Variants in CUL3 observed in about 807,000 individuals in gnomAD.
The protein encoded by CUL3 is cullin-3.
CUL3 carries 19 observed loss-of-function variants against 89.1 expected under a neutral mutation model. That is an observed-to-expected ratio of 0.21 (90% CI 0.15 to 0.31). CUL3 has a LOEUF of 0.31. Ranked by LOEUF, CUL3 falls within the 10% of genes least tolerant of loss-of-function variation. The pLI, the probability that CUL3 is intolerant of heterozygous loss-of-function variation, is 1.00. For synonymous variants in CUL3, 351 were observed against 308.4 expected (o/e 1.14, Z -1.45); for missense variants, 469 against 942.3 (o/e 0.50, Z 6.58).
chr2:224,578,126 C>T (rs1193454238), intron 1 of CUL3, among the ~76,000 whole-genome samples: 1 of 152,116 alleles, frequency 6.6e-6, no homozygotes, highest in Non-Finnish European at 1.5e-5. Flanking sequence ...TAATATATTT[C>T]AGTTACGTGC....
In CUL3 at chr2:224,571,580, G is replaced by C. The variant is rs1279058614; in HGVS notation, c.66+13364C>G. ...AATCAAATAAGATATGACAGCAAAAGGTCTATGACACAAAATTGTTACAAA... is the reference window on the plus strand; with the variant it reads ...AATCAAATAAGATATGACAGCAAAACGTCTATGACACAAAATTGTTACAAA... On this transcript the variant is annotated intron_variant, in intron 1 of 15. Transcript: ENST00000264414. Among the ~76,000 whole-genome samples, 4 of 152,026 alleles carry C rather than the reference G, an allele frequency of 2.6e-5. No homozygotes were observed. The East Asian group carries it at 7.7e-4, about 29-fold the overall frequency.
chr2:224,519,178 T>C (rs1278601717), intron 3 of CUL3, among the ~76,000 whole-genome samples: 1 of 152,212 alleles, frequency 6.6e-6, no homozygotes, highest in East Asian at 1.9e-4. Flanking sequence ...AGCCAAAACT[T>C]TATTTCATGT....
chr2:224,519,984 TTGACCAAAATGTAG>T lies in CUL3; in HGVS notation c.379-5226_379-5213del, dbSNP rs577534815. ...TTTTAAAATGTCTTAATCCCAGGCT[TTGACCAAAATGTAG>T]TGACCAAAATGTAGTATGAGTTTGA... On this transcript the variant is annotated intron_variant, in intron 3 of 15. Transcript: ENST00000264414. 1.4e-3 allele frequency among the ~76,000 whole-genome samples: 220 copies of T among 152,288 alleles called. No individual in the cohort carries two copies. In the East Asian group the frequency reaches 0.019, roughly 13 times the overall value.
intron 1 of CUL3, 129 bp from the exon 2 acceptor site, chr2:224,557,985 A>C: frequency 1.8e-6 from 1 of 567,028 alleles, no homozygotes; most frequent in Non-Finnish European, 3.0e-6. Context: ...AATCTATGAC[A>C]CATAAGAACA....
intron 15 of CUL3, among the ~76,000 whole-genome samples, chr2:224,475,802 C>A (rs1299484166): frequency 1.3e-5 from 2 of 152,132 alleles, no homozygotes; most frequent in African/African-American, 2.4e-5. Context: ...ACTCCTGATT[C>A]TTTTGGTCCT....
chr2:224,490,211 T>C (rs1691904588), intron 13 of CUL3, among the ~76,000 whole-genome samples: 1 of 152,200 alleles, frequency 6.6e-6, no homozygotes, highest in Non-Finnish European at 1.5e-5. Flanking sequence ...GCTTTCATGT[T>C]CCATCCTGTA....
chr2:224,543,792 T>C (rs541601750), intron 2 of CUL3, among the ~76,000 whole-genome samples: 1 of 152,268 alleles, frequency 6.6e-6, no homozygotes, highest in South Asian at 2.1e-4. Flanking sequence ...AAGACCAGCC[T>C]GGACAACATG....
At chr2:224,545,088 C>T (rs1694247328) in intron 2 of CUL3, among the ~76,000 whole-genome samples, 1 of 152,132 alleles carries the variant, frequency 6.6e-6, no homozygotes, top group African/African-American at 2.4e-5. Context: ...ACAGATGTTG[C>T]TGTTATAATA....
intron 13 of CUL3, among the ~76,000 whole-genome samples, chr2:224,490,437 T>G (rs912779546): frequency 2.6e-5 from 4 of 151,978 alleles, no homozygotes; most frequent in Non-Finnish European, 5.9e-5. Context: ...ACCCTGCCCC[T>G]TTTGCCTTGT....
intron 2 of CUL3, among the ~76,000 whole-genome samples, chr2:224,549,858 G>A (rs1694443590): frequency 6.6e-6 from 1 of 151,566 alleles, no homozygotes; most frequent in African/African-American, 2.4e-5. Flanking sequence ...ACACATATAT[G>A]CGTGCACACA....
chr2:224,510,773 TGTTA>T (rs1692793563), intron 6 of CUL3, among the ~76,000 whole-genome samples: 1 of 152,218 alleles, frequency 6.6e-6, no homozygotes, highest in Non-Finnish European at 1.5e-5. Flanking sequence ...AAAAAACAAA[TGTTA>T]GTTATCTCAA....
intron 13 of CUL3, among the ~76,000 whole-genome samples, chr2:224,484,132 C>T (rs1691633300): frequency 6.6e-6 from 1 of 152,072 alleles, no homozygotes; most frequent in African/African-American, 2.4e-5. Flanking sequence ...GATAATACCA[C>T]TGCACTCCAG....
chr2:224,510,289 AG>A (rs1692770595), intron 6 of CUL3, among the ~76,000 whole-genome samples: 3 of 135,262 alleles, frequency 2.2e-5, no homozygotes, highest in African/African-American at 8.5e-5. Flanking sequence ...AAGCCTCTCT[AG>A]TTTTTTTTGT....
At chr2:224,506,832 A>C (rs1358193874) in intron 7 of CUL3, 26 bp downstream of exon 7, 2 of 1,608,680 alleles carry the variant, frequency 1.2e-6, no homozygotes, top group Non-Finnish European at 1.7e-6. Context: ...TATCATAAAC[A>C]CAGAGAATCT....
chr2:224,515,032 G>A (rs763583339), intron 3 of CUL3, among the ~76,000 whole-genome samples: 12 of 151,926 alleles, frequency 7.9e-5, no homozygotes, highest in African/African-American at 2.9e-4. Flanking sequence ...TCATAGCCAG[G>A]AAGAAAAAAA....
chr2:224,508,419 T>C (rs758793593), intron 6 of CUL3, among the ~76,000 whole-genome samples: 8 of 152,162 alleles, frequency 5.3e-5, no homozygotes. Flanking sequence ...TGCAACAATC[T>C]ATGGACACAT....
chr2:224,546,899 G>A (rs982563676), intron 2 of CUL3, among the ~76,000 whole-genome samples: 16 of 151,904 alleles, frequency 1.1e-4, no homozygotes, highest in African/African-American at 2.2e-4. Flanking sequence ...CACTATCCCC[G>A]ACAAGTCTCT....
chr2:224,577,214 A>G (rs768078906), intron 1 of CUL3, among the ~76,000 whole-genome samples: 2 of 152,230 alleles, frequency 1.3e-5, no homozygotes, highest in Non-Finnish European at 2.9e-5. Context: ...GGTGGGTCTC[A>G]TTAGCAGTCT....
chr2:224,555,313 T>C (rs970096367), intron 2 of CUL3, among the ~76,000 whole-genome samples: 3 of 152,196 alleles, frequency 2.0e-5, no homozygotes, highest in African/African-American at 7.2e-5. Flanking sequence ...TAAGCAATCT[T>C]TGTCTAGACT....
Sources: allele counts gnomAD v4.1 joint callset (sites outside exome capture counted in the v4.1 genomes callset), GRCh38; gene constraint gnomAD v4.1.1; transcripts MANE v1.5; gene names NCBI Gene and HGNC (gene_info 2026-07-23, HGNC 2026-07-21).